Variants in IPO9 observed in about 807,000 individuals in gnomAD.
IPO9 encodes importin 9, also known as importin-9.
IPO9 carries 28 observed loss-of-function variants against 128.6 expected under a neutral mutation model. That is an observed-to-expected ratio of 0.22 (90% CI 0.16 to 0.30). The LOEUF is 0.30. Among genes scored for constraint, IPO9 ranks in the 10% least tolerant of loss-of-function variants. The pLI is 1.00. For synonymous variants in IPO9, 455 were observed against 475.8 expected, an observed-to-expected ratio of 0.96 and a Z score of 0.57; for missense variants, 935 against 1,293.9, an observed-to-expected ratio of 0.72 and a Z score of 4.26.
intron 1 of IPO9, among the ~76,000 whole-genome samples, chr1:201,842,160 A>G (rs978798328): frequency 5.9e-5 from 9 of 152,128 alleles, no homozygotes; most frequent in Non-Finnish European, 7.4e-5. Context: ...GACCAGCTTC[A>G]AGTTGGGGTT....
chr1:201,857,099 A>G lies in IPO9; in HGVS notation c.1126A>G (p.Lys376Glu). Residue 376 changes from lysine to glutamate, a missense_variant, in exon 11 of 24, where the codon AAA becomes GAA. Around this residue, in one of 3 missense-constraint regions of IPO9, gnomAD observed 741 missense variants for 1,019.1 expected, o/e 0.73. Transcript: ENST00000361565. ...LYMQITEEQI[K>E]VWTANPQQFV... is the part of the protein sequence containing the mutation. ...AGACATAACTTGATCTTTTCAGATT[A>G]AAGTATGGACAGCCAACCCCCAACA... The G allele has an allele frequency of 1.3e-6, 2 of 1,589,844 alleles. No homozygotes were observed. Among genetic ancestry groups the G allele is most frequent in the Non-Finnish European group, 1.7e-6 (2 of 1,157,916 alleles).
intron 19 of IPO9, among the ~76,000 whole-genome samples, chr1:201,871,975 C>T (rs951113022): frequency 5.9e-5 from 9 of 152,124 alleles, no homozygotes; most frequent in East Asian, 1.9e-4. Context: ...TGGCTCACAC[C>T]TATAATCCCA....
rs1679886800 is a variant in IPO9, at chr1:201,834,227, T to C, written c.163+4855T>C. Among the ~76,000 whole-genome samples, 5 of 150,458 alleles carry C rather than the reference T, an allele frequency of 3.3e-5. No individual in the cohort carries two copies. In the South Asian group the frequency reaches 1.1e-3, roughly 32 times the overall value. On this transcript the variant is annotated intron_variant, in intron 1 of 23. Transcript: ENST00000361565. The stretch of plus-strand genomic sequence containing the variant: ...CTTTTCTTTTTTTTTTTTGTTGCAC[T>C]GCTAAGAGTCTAAAGCATGCTTTCT...
rs1680795381 is a variant in IPO9, at chr1:201,877,865, AG to A, written c.*1812del. On this transcript the variant is annotated 3_prime_UTR_variant, in exon 24 of 24. Coordinates refer to ENST00000361565, the MANE Select transcript of IPO9 (RefSeq NM_018085.5). ...CTTGAACCTGGGAGGCAGAGGTTGCAGTAAGCCAAGATCGCACCATTGCACT... is the reference window on the plus strand; with the variant it reads ...CTTGAACCTGGGAGGCAGAGGTTGCATAAGCCAAGATCGCACCATTGCACT... 1 of 152,256 alleles carries A rather than the reference AG, an allele frequency of 6.6e-6. No homozygotes were observed. Among genetic ancestry groups the A allele is most frequent in the South Asian group, 2.1e-4 (1 of 4,828 alleles). 9.4% of individuals were successfully genotyped at this position (152,256 alleles called of 1,614,324 possible). A position where few individuals can be genotyped will look rare whatever the true frequency, so the allele number is the denominator to read the frequency against.
chr1:201,865,895 A>C (rs1281893672), intron 14 of IPO9, among the ~76,000 whole-genome samples: 1 of 152,066 alleles, frequency 6.6e-6, no homozygotes, highest in African/African-American at 2.4e-5. Context: ...AGTTCGCTCC[A>C]TTTCCCACTT....
intron 14 of IPO9, among the ~76,000 whole-genome samples, chr1:201,865,960 G>A (rs148943626): frequency 4.6e-4 from 70 of 152,254 alleles, no homozygotes; most frequent in African/African-American, 1.7e-3. Context: ...AAACTGTACC[G>A]TATGGTAGAT....
intron 18 of IPO9, 24 bp from the exon 19 acceptor site, chr1:201,871,137 G>A (rs1461366952): frequency 8.7e-6 from 14 of 1,607,196 alleles, no homozygotes; most frequent in Non-Finnish European, 1.2e-5. Context: ...TTTCCCTGAA[G>A]CAAATGTCCT....
Position 201,880,354 on chromosome 1 carries a change from T to C in IPO9, c.*4300T>C, listed in dbSNP as rs1680862359. Reference sequence around the variant, plus strand: ...TGATCCTCATTGCCATGTTCCCTTCTGGTGCTCAACCGGAGGCTCCCTGAC... The same window carrying C: ...TGATCCTCATTGCCATGTTCCCTTCCGGTGCTCAACCGGAGGCTCCCTGAC... On this transcript the variant is annotated 3_prime_UTR_variant, in exon 24 of 24. Coordinates refer to ENST00000361565, the MANE Select transcript of IPO9 (RefSeq NM_018085.5). 6.6e-6 allele frequency: 1 copy of C among 152,188 alleles called. No individual in the cohort carries two copies. Among genetic ancestry groups the C allele is most frequent in the East Asian group, 1.9e-4 (1 of 5,192 alleles). 9.4% of individuals were successfully genotyped at this position (152,188 alleles called of 1,614,324 possible). A position where few individuals can be genotyped will look rare whatever the true frequency, so the allele number is the denominator to read the frequency against.
chr1:201,859,957 TAA>T (rs1184483412), intron 13 of IPO9, among the ~76,000 whole-genome samples: 22 of 141,992 alleles, frequency 1.5e-4, no homozygotes, highest in Admixed American at 1.4e-4. Context: ...AGACTTGGTT[TAA>T]AAAAAAAAAA....
chr1:201,858,742 A>G, intron 12 of IPO9, 113 bp from the exon 13 acceptor site: 1 of 1,115,126 alleles, frequency 9.0e-7, no homozygotes, highest in Non-Finnish European at 1.3e-6. Context: ...AAGGTAAATG[A>G]CTCTTTTGGA....
Position 201,870,608 on chromosome 1 carries a change from A to G in IPO9, c.2159A>G (p.Tyr720Cys). The change falls in exon 18 of 24, where the codon TAT (tyrosine) becomes TGT (cysteine). Residue 720 changes from tyrosine to cysteine, a missense_variant. By Grantham distance (194) the Tyr-to-Cys change is radical. Coordinates refer to ENST00000361565, the MANE Select transcript of IPO9 (RefSeq NM_018085.5). This position sits in a 1 kb window ranked among gnomAD's most constrained non-coding sequence, Gnocchi z 4.9. ...AATGGCGGAGAGTGCTTGCGGGCCT[A>G]TGTGTCAGTGACCCTGGAACAAGTA... ...MQNGGECLRA[Y>C]VSVTLEQVAQ... 1 of 1,614,050 alleles carries G rather than the reference A, an allele frequency of 6.2e-7. No homozygotes were observed. The highest frequency in any genetic ancestry group is 1.3e-5 in the African/African-American group (1 of 75,018).
chr1:201,865,348 A>G (rs2102885583), intron 14 of IPO9, among the ~76,000 whole-genome samples: 1 of 152,122 alleles, frequency 6.6e-6, no homozygotes, highest in East Asian at 1.9e-4. Context: ...AGCTGGGATT[A>G]CAGGCATGTG....
rs948323139 is a variant in IPO9, at chr1:201,880,308, C to G, written c.*4254C>G. The G allele has an allele frequency of 2.0e-5, 3 of 152,200 alleles. No homozygotes were observed. Among genetic ancestry groups the G allele is most frequent in the African/African-American group, 7.2e-5 (3 of 41,448 alleles). 9.4% of individuals were successfully genotyped at this position (152,200 alleles called of 1,614,324 possible). Reference sequence around the variant, plus strand: ...TCTAGGGTAGTGTGGAAGGTCCTTTCAGTCTTCCTGTGCCTATCAGTGATC... The same window carrying G: ...TCTAGGGTAGTGTGGAAGGTCCTTTGAGTCTTCCTGTGCCTATCAGTGATC... On this transcript the variant is annotated 3_prime_UTR_variant, in exon 24 of 24. Coordinates refer to ENST00000361565, the MANE Select transcript of IPO9 (RefSeq NM_018085.5).
rs372941434 is a variant in IPO9, at chr1:201,870,571, C to G, written c.2134-12C>G. The stretch of plus-strand genomic sequence containing the variant: ...CGATTACTAATCTTGCTTGCCACCC[C>G]TGTCTCCCCAGAATGGCGGAGAGTG... On this transcript the variant is annotated splice_polypyrimidine_tract_variant and intron_variant, in intron 17 of 23. Transcript: ENST00000361565. This position sits in a 1 kb window ranked among gnomAD's most constrained non-coding sequence, Gnocchi z 4.9. 6.2e-7 allele frequency: 1 copy of G among 1,606,042 alleles called. No homozygotes were observed. The highest frequency in any genetic ancestry group is 1.7e-5 in the Admixed American group (1 of 59,704).
chr1:201,837,887 A>G (rs567047197), intron 1 of IPO9, among the ~76,000 whole-genome samples: 196 of 152,260 alleles, frequency 1.3e-3, no homozygotes, highest in Non-Finnish European at 2.5e-3. Flanking sequence ...CCTGACCAAC[A>G]TGGAGAAACC....
At position 201,881,337 on chromosome 1, in the gene IPO9, CAG is replaced by C. The variant is rs1264671476; in HGVS notation, c.*5285_*5286del. 1 of 152,158 alleles carries C rather than the reference CAG, an allele frequency of 6.6e-6. No individual in the cohort carries two copies. The highest frequency in any genetic ancestry group is 2.4e-5 in the African/African-American group (1 of 41,416). The allele number at this position is 152,158 out of a possible 1,614,324, so 9.4% of individuals were successfully genotyped here. ...TACAGATTGATGAAACTGAAGCAGA[CAG>C]ATATTGTTAACCTATCAAAGGTCAC... On this transcript the variant is annotated 3_prime_UTR_variant, in exon 24 of 24. Coordinates refer to ENST00000361565, the MANE Select transcript of IPO9 (RefSeq NM_018085.5).
intron 16 of IPO9, 124 bp from the exon 17 acceptor site, chr1:201,869,466 C>T (rs980157987): frequency 3.9e-5 from 45 of 1,168,758 alleles, no homozygotes; most frequent in Non-Finnish European, 4.5e-5. Context: ...ATTTTGGAAA[C>T]TTGCCTTTCA....
At chr1:201,871,954 G>T (rs769010778) in intron 19 of IPO9, among the ~76,000 whole-genome samples, 2 of 152,078 alleles carry the variant, frequency 1.3e-5, no homozygotes, top group Non-Finnish European at 2.9e-5. Context: ...CCAAGCCTTG[G>T]CCAGGCACAG....
In IPO9 at chr1:201,878,321, C is replaced by A. The variant is rs1282036140; in HGVS notation, c.*2267C>A. 1 of 152,636 alleles carries A rather than the reference C, an allele frequency of 6.6e-6. No individual in the cohort carries two copies. Among genetic ancestry groups the A allele is most frequent in the Non-Finnish European group, 1.5e-5 (1 of 68,054 alleles). The allele number at this position is 152,636 out of a possible 1,614,324, so 9.5% of individuals were successfully genotyped here. A position where few individuals can be genotyped will look rare whatever the true frequency, so the allele number is the denominator to read the frequency against. Reference sequence around the variant, plus strand: ...TGGTGCTAAAGGCATAAGGCCAAGTCAGCCTCTGATATTGGCACAAAAGAA... The same window carrying A: ...TGGTGCTAAAGGCATAAGGCCAAGTAAGCCTCTGATATTGGCACAAAAGAA... On this transcript the variant is annotated 3_prime_UTR_variant, in exon 24 of 24. Coordinates refer to ENST00000361565, the MANE Select transcript of IPO9 (RefSeq NM_018085.5).
Sources: gnomAD v4.1 joint callset for allele counts (sites outside exome capture counted in the v4.1 genomes callset) on GRCh38, gnomAD v4.1.1 for gene constraint, gnomAD v4.1.1 regional missense constraint, Gnocchi (gnomAD v3.1) non-coding constraint, MANE v1.5 for transcripts, NCBI Gene and HGNC (gene_info 2026-07-23, HGNC 2026-07-21) for gene names.